The following BCKDHB variants were observed in gnomAD, a reference collection of about 807,000 sequenced individuals.
BCKDHB encodes the protein 2-oxoisovalerate dehydrogenase subunit beta, mitochondrial.
A neutral mutation model predicts 48.5 loss-of-function variants in BCKDHB; 41 were observed. The observed-to-expected ratio is 0.85, with a 90% confidence interval of 0.66 to 1.10. The LOEUF is 1.10. BCKDHB is among the 50% of genes least tolerant of loss of function. The pLI is 0.00. For synonymous variants in BCKDHB, 201 were observed against 174.8 expected (o/e 1.15, Z -1.18); for missense variants, 496 against 494.2 (o/e 1.00, Z -0.03).
rs369868440 is a variant in BCKDHB at position 80,154,227 on chromosome 6, A to AG, written c.344-13450dup. Among the ~76,000 whole-genome samples, 264 of 152,328 alleles carry AG rather than the reference A, an allele frequency of 1.7e-3. 1 individual carries two copies. Among genetic ancestry groups the AG allele is most frequent in the African/African-American group, 6.0e-3 (250 of 41,582 alleles). On this transcript the variant is annotated intron_variant, in intron 3 of 9. Transcript: ENST00000320393. ...ATCGCATTGTAAGTTGCGTGAGGAC[A>AG]GATGGTGTTTTATTTATCCCTTTAT... is the stretch of plus-strand genomic sequence containing the variant.
intron 7 of BCKDHB, among the ~76,000 whole-genome samples, chr6:80,202,189 T>C (rs936409801): frequency 6.6e-6 from 1 of 152,166 alleles, no homozygotes; most frequent in Non-Finnish European, 1.5e-5. Context: ...AATTCTTTCC[T>C]TCTTCCCTTT....
At chr6:80,139,714 G>A (rs1049893141) in intron 3 of BCKDHB, among the ~76,000 whole-genome samples, 4 of 152,080 alleles carry the variant, frequency 2.6e-5, no homozygotes, top group Non-Finnish European at 4.4e-5. Flanking sequence ...TAGCCTTGTA[G>A]TATAGTTTGA....
chr6:80,202,113 T>G (rs1459615064), intron 7 of BCKDHB, among the ~76,000 whole-genome samples: 1 of 152,170 alleles, frequency 6.6e-6, no homozygotes, highest in East Asian at 1.9e-4. Flanking sequence ...CTTACTTCTC[T>G]TTTTAATAGG....
At chr6:80,169,434 G>A (rs1424776014) in intron 5 of BCKDHB, among the ~76,000 whole-genome samples, 1 of 151,978 alleles carries the variant, frequency 6.6e-6, no homozygotes, top group Non-Finnish European at 1.5e-5. Flanking sequence ...AAAGTCACAG[G>A]GATAACACTT....
chr6:80,398,158 C>T, the BCKDHB span, among the ~76,000 whole-genome samples: 1 of 146,162 alleles, frequency 6.8e-6, no homozygotes, highest in African/African-American at 2.8e-5. Flanking sequence ...TCTAACATCA[C>T]AACTAAAAAA....
At chr6:80,307,149 A>G (rs1361758411) in intron 9 of BCKDHB, among the ~76,000 whole-genome samples, 1 of 152,198 alleles carries the variant, frequency 6.6e-6, no homozygotes, top group Non-Finnish European at 1.5e-5. Context: ...AATGGCCTTG[A>G]AGAAACAGCT....
rs142870838 is a variant in BCKDHB at position 80,155,308 on chromosome 6, T to C, written c.344-12370T>C. 1.7e-3 allele frequency among the ~76,000 whole-genome samples: 265 copies of C among 152,286 alleles called. 1 individual carries two copies. Among genetic ancestry groups the C allele is most frequent in the African/African-American group, 6.0e-3 (251 of 41,568 alleles). On this transcript the variant is annotated intron_variant, in intron 3 of 9. Coordinates refer to ENST00000320393, the MANE Select transcript of BCKDHB (RefSeq NM_183050.4). ...TCAGATTAGCTATTTAAAACTGTTT[T>C]GTATTTGTGGCTGTGGTGCCAGATA... is the stretch of plus-strand genomic sequence containing the variant.
intron 3 of BCKDHB, among the ~76,000 whole-genome samples, chr6:80,149,913 G>A (rs1459696688): frequency 1.3e-5 from 2 of 151,630 alleles, no homozygotes; most frequent in African/African-American, 4.9e-5. Context: ...TACCAGCATG[G>A]CACATATATA....
At chr6:80,312,580 T>G (rs1449904491) in intron 9 of BCKDHB, among the ~76,000 whole-genome samples, 1 of 152,202 alleles carries the variant, frequency 6.6e-6, no homozygotes, top group Admixed American at 6.5e-5. Context: ...CATATATGGC[T>G]CTTAGTAGCT....
chr6:80,286,434 A>G lies in BCKDHB; in HGVS notation c.1038+13213A>G, dbSNP rs569505354. Among the ~76,000 whole-genome samples, 3 of 152,324 alleles carry G rather than the reference A, an allele frequency of 2.0e-5. No homozygotes were observed. In the East Asian group the frequency reaches 5.8e-4, roughly 29 times the overall value. ...TTGGGACAAAATATTTTGTTTATTG[A>G]TGAAGACACATTTAGTTAATAATAT... On this transcript the variant is annotated intron_variant, in intron 9 of 9. Coordinates refer to ENST00000320393, the MANE Select transcript of BCKDHB (RefSeq NM_183050.4).
chr6:80,311,117 A>G (rs1282893387), intron 9 of BCKDHB, among the ~76,000 whole-genome samples: 2 of 151,614 alleles, frequency 1.3e-5, no homozygotes, highest in Admixed American at 6.6e-5. Flanking sequence ...TGTTCTCATG[A>G]TAGTGAATAA....
At chr6:80,360,719 T>G in the BCKDHB span, among the ~76,000 whole-genome samples, 5 of 151,930 alleles carry the variant, frequency 3.3e-5, no homozygotes, top group Admixed American at 3.3e-4. Context: ...CTTATAAGAA[T>G]TATTGGCCAG....
At chr6:80,147,343 C>G (rs1365127311) in intron 3 of BCKDHB, among the ~76,000 whole-genome samples, 1 of 152,020 alleles carries the variant, frequency 6.6e-6, no homozygotes, top group Non-Finnish European at 1.5e-5. Flanking sequence ...GTTTTGTGTT[C>G]TCTTTGAAGA....
the BCKDHB span, among the ~76,000 whole-genome samples, chr6:80,421,131 G>A: frequency 6.6e-6 from 1 of 152,096 alleles, no homozygotes; most frequent in Non-Finnish European, 1.5e-5. Flanking sequence ...TTGAATCATG[G>A]GGTTGGTTTC....
chr6:80,253,137 C>T (rs1047562494), intron 8 of BCKDHB, among the ~76,000 whole-genome samples: 1 of 152,106 alleles, frequency 6.6e-6, no homozygotes, highest in African/African-American at 2.4e-5. Context: ...AGAGCTGTGC[C>T]AAGACAGGCT....
At chr6:80,169,884 G>A (rs953185835) in intron 5 of BCKDHB, 17 of 1,592,584 alleles carry the variant, frequency 1.1e-5, no homozygotes, top group African/African-American at 2.7e-5. Context: ...GTTGTAGACT[G>A]GGAAAGAAGC....
At chr6:80,352,659 T>G in the BCKDHB span, among the ~76,000 whole-genome samples, 2 of 152,236 alleles carry the variant, frequency 1.3e-5, no homozygotes, top group African/African-American at 2.4e-5. Flanking sequence ...AAGTATACTT[T>G]GGGAAAACCC....
the BCKDHB span, among the ~76,000 whole-genome samples, chr6:80,398,696 G>GAAAA: frequency 0.06 from 8,681 of 144,212 alleles, 703 homozygotes; most frequent in African/African-American, 0.18. Flanking sequence ...TAAAACTTTT[G>GAAAA]AAAAAAAAAA....
intron 9 of BCKDHB, among the ~76,000 whole-genome samples, chr6:80,320,013 T>C (rs1048232893): frequency 2.0e-5 from 3 of 152,190 alleles, no homozygotes; most frequent in Non-Finnish European, 4.4e-5. Context: ...GTATTTTCCC[T>C]TTAGTCTCAA....
Sources: gnomAD v4.1 joint callset for allele counts (sites outside exome capture counted in the v4.1 genomes callset) on GRCh38, gnomAD v4.1.1 for gene constraint, MANE v1.5 for transcripts, NCBI Gene and HGNC (gene_info 2026-07-23, HGNC 2026-07-21) for gene names.